NFATC3: variants seen among roughly 807,000 people sequenced by gnomAD.
NFATC3 encodes the protein nuclear factor of activated T-cells, cytoplasmic 3.
A neutral mutation model predicts 98.6 loss-of-function variants in NFATC3; 46 were observed. That is an observed-to-expected ratio of 0.47 (90% CI 0.37 to 0.60). The LOEUF (loss-of-function observed/expected upper bound fraction) is 0.60. NFATC3 is among the 20% of genes least tolerant of loss of function. The pLI is 0.00. For synonymous variants in NFATC3, 512 were observed against 472.2 expected (o/e 1.08, Z -1.09); for missense variants, 1,256 against 1,295.5 (o/e 0.97, Z 0.47).
chr16:68,216,054 A>C (rs900037934), intron 9 of NFATC3, among the ~76,000 whole-genome samples: 2 of 152,088 alleles, frequency 1.3e-5, no homozygotes, highest in African/African-American at 4.8e-5. Flanking sequence ...AGTGCTGATG[A>C]GAAGGATCTG....
chr16:68,147,287 A>G (rs1159186014), intron 3 of NFATC3, among the ~76,000 whole-genome samples: 1 of 152,120 alleles, frequency 6.6e-6, no homozygotes, highest in South Asian at 2.1e-4. Context: ...TTTTATTTAT[A>G]TTCTCTATTT....
chr16:68,101,479 T>G (rs888586086), intron 1 of NFATC3, among the ~76,000 whole-genome samples: 34 of 139,264 alleles, frequency 2.4e-4, no homozygotes, highest in Non-Finnish European at 3.9e-4. Context: ...TAGTTTTAGG[T>G]TTTTTTTTTT....
intron 1 of NFATC3, among the ~76,000 whole-genome samples, chr16:68,110,604 G>A (rs1598379451): frequency 1.3e-5 from 2 of 150,428 alleles, no homozygotes; most frequent in Admixed American, 6.6e-5. Context: ...GTGAGCCACC[G>A]CGCCCAGCCT....
chr16:68,147,342 AT>A (rs907320215), intron 3 of NFATC3, among the ~76,000 whole-genome samples: 15 of 152,236 alleles, frequency 9.9e-5, no homozygotes, highest in African/African-American at 2.9e-4. Context: ...AATGCCTATA[AT>A]TTTTTTGTTG....
intron 1 of NFATC3, among the ~76,000 whole-genome samples, chr16:68,091,232 T>G (rs2034689956): frequency 6.6e-6 from 1 of 152,218 alleles, no homozygotes; most frequent in Non-Finnish European, 1.5e-5. Context: ...GGGTATTATA[T>G]ACATAGCCAA....
In NFATC3 at chr16:68,139,304, C is replaced by CATGG. The variant is rs148709020; in HGVS notation, c.1401+12695_1401+12698dup. Among the ~76,000 whole-genome samples, 712 of 152,262 alleles carry CATGG rather than the reference C, an allele frequency of 4.7e-3. 4 individuals are homozygous for CATGG. Among genetic ancestry groups the CATGG allele is most frequent in the African/African-American group, 0.016 (685 of 41,562 alleles). ...GGAGTAAATGAAACATTGTGAGGAA[C>CATGG]ATGGCATGGTACCTTGCACATTGTA... On this transcript the variant is annotated intron_variant, in intron 3 of 9. Coordinates refer to ENST00000346183, the MANE Select transcript of NFATC3 (RefSeq NM_173165.3).
chr16:68,212,866 T>G (rs1249113554), intron 9 of NFATC3, among the ~76,000 whole-genome samples: 1 of 143,546 alleles, frequency 7.0e-6, no homozygotes, highest in African/African-American at 2.6e-5. Flanking sequence ...CTTGGCTCAC[T>G]GCAAGCTCTA....
rs538273454 is a variant in NFATC3 at position 68,165,596 on chromosome 16, G to A, written c.1602-1247G>A. On this transcript the variant is annotated intron_variant, in intron 4 of 9. Coordinates refer to ENST00000346183, the MANE Select transcript of NFATC3 (RefSeq NM_173165.3). ...ATTTTAGCAGAGACAGGGTTTCACT[G>A]TGTTGGCTAGGCTGGTCTCGAAATA... 3.3e-5 allele frequency among the ~76,000 whole-genome samples: 5 copies of A among 152,102 alleles called. No individual in the cohort carries two copies. In the South Asian group the frequency reaches 1.0e-3, roughly 32 times the overall value.
intron 3 of NFATC3, among the ~76,000 whole-genome samples, chr16:68,137,705 C>T (rs980480404): frequency 2.6e-5 from 4 of 151,832 alleles, no homozygotes; most frequent in Non-Finnish European, 5.9e-5. Flanking sequence ...GCTCCGCCTC[C>T]TGGGTTCACG....
chr16:68,137,331 C>T (rs2037476854), intron 3 of NFATC3, among the ~76,000 whole-genome samples: 2 of 151,998 alleles, frequency 1.3e-5, no homozygotes, highest in South Asian at 2.1e-4. Flanking sequence ...ACACATTAGC[C>T]CAGGCCTTCA....
At chr16:68,099,634 A>AATAAT (rs1567496150) in intron 1 of NFATC3, among the ~76,000 whole-genome samples, 3 of 150,830 alleles carry the variant, frequency 2.0e-5, no homozygotes, top group African/African-American at 7.3e-5. Flanking sequence ...ATAATAATAA[A>AATAAT]AAATATAGAA....
intron 9 of NFATC3, among the ~76,000 whole-genome samples, chr16:68,207,370 T>C (rs2151148880): frequency 6.6e-6 from 1 of 152,314 alleles, no homozygotes; most frequent in Admixed American, 6.5e-5. Flanking sequence ...ATAATGCTGC[T>C]GTGAACACTG....
At chr16:68,154,573 A>G (rs2038510658) in intron 3 of NFATC3, among the ~76,000 whole-genome samples, 1 of 152,204 alleles carries the variant, frequency 6.6e-6, no homozygotes, top group Non-Finnish European at 1.5e-5. Flanking sequence ...AGACAAGCAC[A>G]AGATAAGGAG....
chr16:68,179,767 T>A (rs566961985), intron 6 of NFATC3, among the ~76,000 whole-genome samples: 1 of 152,270 alleles, frequency 6.6e-6, no homozygotes, highest in East Asian at 1.9e-4. Flanking sequence ...CTAGGAAACA[T>A]TTTTTAGGAC....
chr16:68,150,815 T>C lies in NFATC3; in HGVS notation c.1402-7054T>C, dbSNP rs150561557. On this transcript the variant is annotated intron_variant, in intron 3 of 9. Coordinates refer to ENST00000346183, the MANE Select transcript of NFATC3 (RefSeq NM_173165.3). ...GGGTGGCTTCCCCATGCTGTTCTCT[T>C]GATAGTGAGTTCTCATGAGATCTGA... Among the ~76,000 whole-genome samples, 22 of 152,252 alleles carry C rather than the reference T, an allele frequency of 1.4e-4. No individual in the cohort carries two copies. In the East Asian group the frequency reaches 2.1e-3, roughly 15 times the overall value.
chr16:68,208,554 ACT>A (rs1205173606), intron 9 of NFATC3, among the ~76,000 whole-genome samples: 1 of 151,722 alleles, frequency 6.6e-6, no homozygotes, highest in East Asian at 1.9e-4. Flanking sequence ...ACATGGGGAA[ACT>A]CTGTCTCTAC....
At chr16:68,168,117 G>A (rs570644037) in intron 5 of NFATC3, among the ~76,000 whole-genome samples, 1 of 152,006 alleles carries the variant, frequency 6.6e-6, no homozygotes, top group South Asian at 2.1e-4. Flanking sequence ...ACAGGTGTGA[G>A]CCACTGCGCC....
At chr16:68,127,205 T>G (rs1292416281) in intron 3 of NFATC3, among the ~76,000 whole-genome samples, 2 of 151,960 alleles carry the variant, frequency 1.3e-5, no homozygotes, top group Non-Finnish European at 1.5e-5. Context: ...AGAACTAGAC[T>G]CTGTCTCTAA....
chr16:68,163,635 A>C (rs2039022149), intron 4 of NFATC3, among the ~76,000 whole-genome samples: 2 of 144,848 alleles, frequency 1.4e-5, no homozygotes, highest in South Asian at 4.4e-4. Context: ...TGGGCTCCTC[A>C]CTTCTCAGAC....
Sources: gnomAD v4.1 joint callset for allele counts (sites outside exome capture counted in the v4.1 genomes callset) on GRCh38, gnomAD v4.1.1 for gene constraint, MANE v1.5 for transcripts, NCBI Gene and HGNC (gene_info 2026-07-23, HGNC 2026-07-21) for gene names.